ZNF320: variants seen among roughly 807,000 people sequenced by gnomAD.
ZNF320 encodes zinc finger gene 320.
Under a neutral mutation model 6.8 loss-of-function variants are expected in ZNF320, and 2 were observed. That is an observed-to-expected ratio of 0.29 (90% confidence interval 0.12 to 0.93). The LOEUF (loss-of-function observed/expected upper bound fraction) is 0.93, where lower values mean the gene tolerates loss of function less well. ZNF320 is among the 40% of genes least tolerant of loss of function. The pLI, the probability that ZNF320 is intolerant of heterozygous loss-of-function variation, is 0.55. For synonymous variants in ZNF320, 208 were observed against 203.2 expected (o/e 1.02, Z -0.20); for missense variants, 472 against 611.0 (o/e 0.77, Z 2.40).
intron 5 of ZNF320, among the ~76,000 whole-genome samples, chr19:52,871,019 T>C (rs1004365822): frequency 1.3e-5 from 2 of 151,268 alleles, no homozygotes; most frequent in African/African-American, 2.4e-5. Flanking sequence ...TGGTGGCACA[T>C]GCCTGTAATC....
Position 52,882,526 on chromosome 19 carries a change from C to T in ZNF320, c.143-543G>A, listed in dbSNP as rs529452909. On this transcript the variant is annotated intron_variant, in intron 5 of 5. Transcript: ENST00000682928. ...AGCCAGGTGTGGTAGCCCACCCTGTCGTCCCAGCTACTCAGGAGGCTTAGG... is the reference window on the plus strand; with the variant it reads ...AGCCAGGTGTGGTAGCCCACCCTGTTGTCCCAGCTACTCAGGAGGCTTAGG... Among the ~76,000 whole-genome samples the T allele has an allele frequency of 1.6e-4, 25 of 152,264 alleles. 1 individual carries two copies. The highest frequency in any genetic ancestry group is 3.4e-3 in the Middle Eastern group (1 of 294).
chr19:52,873,623 G>A (rs948244954), downstream of ZNF320, among the ~76,000 whole-genome samples: 1 of 152,054 alleles, frequency 6.6e-6, no homozygotes, highest in African/African-American at 2.4e-5. Context: ...CCCCCACAAC[G>A]TATGACTTTC....
exon 6 of ZNF320, among the ~76,000 whole-genome samples, chr19:52,863,539 G>C (rs1232382117): frequency 6.6e-6 from 1 of 151,470 alleles, no homozygotes; most frequent in African/African-American, 2.4e-5. Context: ...GGAGGCAGAG[G>C]TTGCAGTGAG....
chr19:52,878,569 A>G lies in ZNF320; in HGVS notation c.*2027T>C, dbSNP rs1325142625. 1 of 151,958 alleles carries G rather than the reference A, an allele frequency of 6.6e-6. No homozygotes were observed. Among genetic ancestry groups the G allele is most frequent in the African/African-American group, 2.4e-5 (1 of 41,364 alleles). 9.4% of individuals were successfully genotyped at this position (151,958 alleles called of 1,614,324 possible). A position where few individuals can be genotyped will look rare whatever the true frequency, so the allele number is the denominator to read the frequency against. On this transcript the variant is annotated 3_prime_UTR_variant, in exon 6 of 6. Coordinates refer to ENST00000682928, the MANE Select transcript of ZNF320 (RefSeq NM_001351774.2). ...TGTCCTGTGCATCACTTTCAACATCATCTTGTCCCAACTTAAAATAAGTTT... is the reference window on the plus strand; with the variant it reads ...TGTCCTGTGCATCACTTTCAACATCGTCTTGTCCCAACTTAAAATAAGTTT...
downstream of ZNF320, among the ~76,000 whole-genome samples, chr19:52,873,411 C>G (rs1315415266): frequency 6.6e-6 from 1 of 152,186 alleles, no homozygotes; most frequent in Non-Finnish European, 1.5e-5. Flanking sequence ...ACTTTTTAAA[C>G]AAAGCACATC....
chr19:52,894,908 C>G (rs1743220698), intron 1 of ZNF320: 1 of 152,730 alleles, frequency 6.5e-6, no homozygotes, highest in African/African-American at 2.4e-5. Flanking sequence ...AAAACAACAA[C>G]AACAACAAAA....
At position 52,891,331 on chromosome 19, in the gene ZNF320, A is replaced by G. The variant is rs1282667961; in HGVS notation, c.-176T>C. The G allele has an allele frequency of 6.6e-6, 1 of 151,382 alleles. No homozygotes were observed. The highest frequency in any genetic ancestry group is 2.4e-5 in the African/African-American group (1 of 41,220). 9.4% of individuals were successfully genotyped at this position (151,382 alleles called of 1,614,324 possible). A position where few individuals can be genotyped will look rare whatever the true frequency, so the allele number is the denominator to read the frequency against. On this transcript the variant is annotated 5_prime_UTR_variant, in exon 3 of 6. Transcript: ENST00000682928. ...TCAGGAGACTGCACTCACAGCCTGA[A>G]GGACAGAGTGAGACTCTGTTTGAGG...
intron 5 of ZNF320, among the ~76,000 whole-genome samples, chr19:52,886,977 A>G (rs28564069): frequency 5.0e-4 from 62 of 123,202 alleles, no homozygotes; most frequent in Middle Eastern, 3.8e-3. Flanking sequence ...AAAGAAAGAA[A>G]GAAGGAAGGA....
intron 5 of ZNF320, chr19:52,883,837 T>G: frequency 3.2e-6 from 1 of 314,162 alleles, no homozygotes; most frequent in Non-Finnish European, 6.2e-6. Context: ...AGGCGGAGGT[T>G]GCAGTGAGCC....
chr19:52,865,607 G>A (rs1411605479), intron 5 of ZNF320, among the ~76,000 whole-genome samples: 1 of 114,124 alleles, frequency 8.8e-6, no homozygotes, highest in Non-Finnish European at 1.7e-5. Flanking sequence ...TTATATATGA[G>A]ATTATACATA....
intron 5 of ZNF320, among the ~76,000 whole-genome samples, chr19:52,870,148 A>G (rs1314008360): frequency 6.6e-6 from 1 of 152,082 alleles, no homozygotes; most frequent in East Asian, 1.9e-4. Context: ...GGCCCTTCTT[A>G]CTATTAACTC....
Position 52,890,325 on chromosome 19 carries a change from A to G in ZNF320, c.-70T>C. ...CAGGTACCAAGAGTCTTTAGAAGTC[A>G]ATCCTAAATGTTAGAAATATGTTGT... On this transcript the variant is annotated 5_prime_UTR_variant, in exon 4 of 6. Transcript: ENST00000682928. 6.4e-7 allele frequency: 1 copy of G among 1,567,088 alleles called. No homozygotes were observed.
the ZNF320 span, among the ~76,000 whole-genome samples, chr19:52,904,181 G>A: frequency 6.6e-6 from 1 of 152,236 alleles, no homozygotes; most frequent in African/African-American, 2.4e-5. Context: ...CCTCCGTGGG[G>A]GCCTGCTATG....
intron 1 of ZNF320, chr19:52,895,221 T>G (rs969113143): frequency 1.3e-5 from 2 of 152,116 alleles, no homozygotes; most frequent in African/African-American, 4.8e-5. Flanking sequence ...TCCCAGCACT[T>G]TGGGAGGCCG....
chr19:52,899,434 C>T (rs1336518775), upstream of ZNF320, among the ~76,000 whole-genome samples: 1 of 152,090 alleles, frequency 6.6e-6, no homozygotes, highest in East Asian at 1.9e-4. Context: ...AGCAAGTAGT[C>T]GAGAGCTAGT....
intron 5 of ZNF320, among the ~76,000 whole-genome samples, chr19:52,868,771 G>A (rs944001817): frequency 3.9e-5 from 6 of 152,184 alleles, no homozygotes; most frequent in African/African-American, 7.2e-5. Context: ...AGCAAGGGCT[G>A]AGCTGGGACA....
At chr19:52,903,452 G>A in the ZNF320 span, among the ~76,000 whole-genome samples, 4 of 152,104 alleles carry the variant, frequency 2.6e-5, no homozygotes, top group African/African-American at 7.2e-5. Flanking sequence ...AAAACCAGGT[G>A]TAACTGTCTG....
At chr19:52,892,909 G>A (rs1277713116) in intron 2 of ZNF320, among the ~76,000 whole-genome samples, 1 of 140,576 alleles carries the variant, frequency 7.1e-6, no homozygotes, top group East Asian at 2.1e-4. Context: ...CTCCCTCTTT[G>A]CTGTCCCTCT....
At chr19:52,874,226 G>A (rs1185909832), downstream of ZNF320, 1 of 186,954 alleles carries the variant, frequency 5.3e-6, no homozygotes, top group Non-Finnish European at 1.1e-5. Flanking sequence ...GGTGCCACAG[G>A]AAGACCTACA....
Sources: allele counts gnomAD v4.1 joint callset (sites outside exome capture counted in the v4.1 genomes callset), GRCh38; gene constraint gnomAD v4.1.1; transcripts MANE v1.5; gene names NCBI Gene and HGNC (gene_info 2026-07-23, HGNC 2026-07-21).